Variants in MACROD2 observed in about 807,000 individuals in gnomAD.
MACROD2 encodes the protein mono-ADP ribosylhydrolase 2, also known as ADP-ribose glycohydrolase MACROD2.
In MACROD2, 36 loss-of-function variants were observed where a neutral mutation model predicts 70.4. The observed-to-expected ratio is 0.51, with a 90% CI of 0.39 to 0.68. The LOEUF is 0.68. Among genes scored for constraint, MACROD2 ranks in the 30% least tolerant of loss-of-function variants. The pLI, the probability that MACROD2 is intolerant of heterozygous loss-of-function variation, is 0.00. For missense variants in MACROD2, 496 were observed against 538.4 expected (o/e 0.92, Z 0.78); for synonymous variants, 172 against 178.8 (o/e 0.96, Z 0.30).
intron 12 of MACROD2, among the ~76,000 whole-genome samples, chr20:15,939,710 C>G (rs1300067844): frequency 6.6e-6 from 1 of 151,880 alleles, no homozygotes; most frequent in Non-Finnish European, 1.5e-5. Flanking sequence ...AAGACTGTAA[C>G]TGCCATAGAT....
At chr20:14,743,795 T>C (rs536678451) in intron 5 of MACROD2, among the ~76,000 whole-genome samples, 1 of 152,254 alleles carries the variant, frequency 6.6e-6, no homozygotes, top group Non-Finnish European at 1.5e-5. Flanking sequence ...CAGATGTGAG[T>C]AAGGACTTTC....
rs1028554676 is a variant in MACROD2, at chr20:14,677,806, C to T, written c.302-7037C>T. Among the ~76,000 whole-genome samples the T allele has an allele frequency of 3.3e-5, 5 of 152,064 alleles. No homozygotes were observed. The East Asian group carries it at 5.8e-4, about 18-fold the overall frequency. On this transcript the variant is annotated intron_variant, in intron 4 of 17. Coordinates refer to ENST00000684519, the MANE Select transcript of MACROD2 (RefSeq NM_001351661.2). ...GGAGAGCTTGGCTTTGGGTACTCACCGAGTCTTCAGACTCCAGCATGATTA... is the reference window on the plus strand; with the variant it reads ...GGAGAGCTTGGCTTTGGGTACTCACTGAGTCTTCAGACTCCAGCATGATTA...
intron 5 of MACROD2, among the ~76,000 whole-genome samples, chr20:14,865,124 A>T (rs2073414447): frequency 6.6e-6 from 1 of 152,042 alleles, no homozygotes; most frequent in Non-Finnish European, 1.5e-5. Flanking sequence ...TGCATTTCCC[A>T]GCCTCCCATG....
chr20:15,275,401 T>C (rs1340985772), intron 6 of MACROD2, among the ~76,000 whole-genome samples: 1 of 152,192 alleles, frequency 6.6e-6, no homozygotes, highest in Non-Finnish European at 1.5e-5. Context: ...AGTATTAACA[T>C]TATCAGATTT....
intron 5 of MACROD2, among the ~76,000 whole-genome samples, chr20:15,226,939 T>C (rs1224077485): frequency 6.6e-6 from 1 of 152,116 alleles, no homozygotes; most frequent in African/African-American, 2.4e-5. Flanking sequence ...TACTCCACAC[T>C]GAGAAAATGA....
At chr20:14,019,437 T>G (rs887003113) in intron 2 of MACROD2, among the ~76,000 whole-genome samples, 1 of 151,988 alleles carries the variant, frequency 6.6e-6, no homozygotes, top group South Asian at 2.1e-4. Flanking sequence ...GCCCGGCTAA[T>G]TTTTTGTATA....
intron 5 of MACROD2, among the ~76,000 whole-genome samples, chr20:15,217,522 C>T (rs1435735558): frequency 6.6e-6 from 1 of 152,080 alleles, no homozygotes; most frequent in Non-Finnish European, 1.5e-5. Context: ...ATAATAATTA[C>T]ACATTCTATT....
At chr20:15,866,877 C>T (rs114959647) in intron 9 of MACROD2, among the ~76,000 whole-genome samples, 238 of 152,178 alleles carry the variant, frequency 1.6e-3, no homozygotes, top group African/African-American at 5.6e-3. Flanking sequence ...AAGTGGTAAA[C>T]GAGAAGCCCA....
At chr20:14,398,914 C>A (rs1252330802) in intron 3 of MACROD2, among the ~76,000 whole-genome samples, 1 of 152,058 alleles carries the variant, frequency 6.6e-6, no homozygotes, top group East Asian at 1.9e-4. Flanking sequence ...AATTAAACAG[C>A]ACGCCCTGTT....
chr20:15,834,013 C>A (rs1486178595), intron 8 of MACROD2, among the ~76,000 whole-genome samples: 1 of 152,150 alleles, frequency 6.6e-6, no homozygotes, highest in South Asian at 2.1e-4. Context: ...TCAGGCCCCT[C>A]AATTAAAATG....
At chr20:14,834,776 A>C (rs1600710045) in intron 5 of MACROD2, among the ~76,000 whole-genome samples, 1 of 152,132 alleles carries the variant, frequency 6.6e-6, no homozygotes, top group East Asian at 1.9e-4. Context: ...AATAGAAATT[A>C]GGTAGTGATT....
chr20:15,295,779 A>T (rs2077581885), intron 6 of MACROD2, among the ~76,000 whole-genome samples: 1 of 152,164 alleles, frequency 6.6e-6, no homozygotes, highest in Admixed American at 6.6e-5. Context: ...GGACCAGGGG[A>T]AAGTATAAAG....
At chr20:15,380,060 A>G (rs1359169829) in intron 6 of MACROD2, among the ~76,000 whole-genome samples, 1 of 152,108 alleles carries the variant, frequency 6.6e-6, no homozygotes, top group Non-Finnish European at 1.5e-5. Context: ...TTATCTTTAC[A>G]TAATTGGCTC....
chr20:15,306,859 A>T (rs911643268), intron 6 of MACROD2, among the ~76,000 whole-genome samples: 4 of 152,142 alleles, frequency 2.6e-5, no homozygotes, highest in East Asian at 1.9e-4. Flanking sequence ...ATAATTTATT[A>T]AAAAAAGAGG....
chr20:13,996,061 C>A (rs969038450), intron 1 of MACROD2, among the ~76,000 whole-genome samples: 1 of 152,180 alleles, frequency 6.6e-6, no homozygotes, highest in South Asian at 2.1e-4. Context: ...CCCTCGGCAC[C>A]CCGTCACCTT....
At chr20:14,325,465 T>C (rs2122568352) in intron 3 of MACROD2, 2 of 1,326,598 alleles carry the variant, frequency 1.5e-6, no homozygotes, top group Non-Finnish European at 2.1e-6. Context: ...CAGTCTCTTT[T>C]TCCAGTGTTT....
intron 5 of MACROD2, among the ~76,000 whole-genome samples, chr20:14,715,264 TCTC>T (rs145252552): frequency 2.2e-3 from 337 of 152,172 alleles, no homozygotes; most frequent in African/African-American, 7.5e-3. Flanking sequence ...CAGAAAACTG[TCTC>T]CATGATTCAA....
chr20:14,618,495 A>C (rs1394735017), intron 4 of MACROD2, among the ~76,000 whole-genome samples: 1 of 152,164 alleles, frequency 6.6e-6, no homozygotes, highest in Non-Finnish European at 1.5e-5. Flanking sequence ...AAAGTACTTA[A>C]AATGATACCT....
At chr20:14,102,994 C>A (rs1250545560) in intron 3 of MACROD2, among the ~76,000 whole-genome samples, 4 of 152,028 alleles carry the variant, frequency 2.6e-5, no homozygotes, top group African/African-American at 9.7e-5. Context: ...TGAACATGAG[C>A]TTTTGTAATG....
Sources: allele counts gnomAD v4.1 joint callset (sites outside exome capture counted in the v4.1 genomes callset), GRCh38; gene constraint gnomAD v4.1.1; transcripts MANE v1.5; gene names NCBI Gene and HGNC (gene_info 2026-07-23, HGNC 2026-07-21).